RNF10: variants seen among roughly 807,000 people sequenced by gnomAD.
RNF10 encodes the protein E3 ubiquitin-protein ligase RNF10.
RNF10 carries 38 observed loss-of-function variants against 91.4 expected under a neutral mutation model. The observed-to-expected ratio is 0.42, with a 90% CI of 0.32 to 0.54. RNF10 has a LOEUF of 0.54. Ranked by LOEUF, RNF10 falls within the 20% of genes least tolerant of loss-of-function variation. The probability of loss-of-function intolerance (pLI) is 0.16; values close to 1 mark genes in which losing one functional copy is unlikely to be tolerated. For missense variants in RNF10, 945 were observed against 1,012.0 expected, an observed-to-expected ratio of 0.93 and a Z score of 0.90; for synonymous variants, 364 against 366.3, an observed-to-expected ratio of 0.99 and a Z score of 0.07.
rs145695976 is a variant in RNF10 at position 120,575,877 on chromosome 12, A to G, written c.2286A>G (p.Gln762=). The part of the protein sequence containing the change: ...NSDRVPVPSF[Q]NSFSQAIEAA... The stretch of plus-strand genomic sequence containing the variant: ...ACCGTGTTCCTGTGCCCAGTTTTCA[A>G]AATTCCTTCAGCCAAGCTATTGAAG... Residue 762 remains glutamine, a synonymous_variant, in exon 16 of 17, where the codon CAA becomes CAG. Coordinates refer to ENST00000325954, the MANE Select transcript of RNF10 (RefSeq NM_014868.5). 2.7e-5 allele frequency: 44 copies of G among 1,614,200 alleles called. No individual in the cohort carries two copies. Among genetic ancestry groups the G allele is most frequent in the Middle Eastern group, 3.3e-4 (2 of 6,062 alleles).
intron 7 of RNF10, among the ~76,000 whole-genome samples, chr12:120,562,564 A>C (rs934432505): frequency 1.3e-5 from 2 of 151,964 alleles, no homozygotes; most frequent in African/African-American, 4.8e-5. Context: ...ATGAGCCACC[A>C]CACCTGGCCG....
chr12:120,554,039 G>T (rs1034289744), intron 3 of RNF10: 3 of 151,790 alleles, frequency 2.0e-5, no homozygotes, highest in Non-Finnish European at 4.4e-5. Flanking sequence ...TAAGTAGCTG[G>T]GACTACAGGC....
At chr12:120,565,911 AT>A (rs766948585) in intron 12 of RNF10, among the ~76,000 whole-genome samples, 3 of 152,208 alleles carry the variant, frequency 2.0e-5, no homozygotes, top group Non-Finnish European at 2.9e-5. Context: ...GGTGGGTCTG[AT>A]AAGATGGAAA....
intron 4 of RNF10, among the ~76,000 whole-genome samples, chr12:120,556,973 A>C (rs1874123979): frequency 6.6e-6 from 1 of 151,978 alleles, no homozygotes; most frequent in Non-Finnish European, 1.5e-5. Context: ...TAACACAGTG[A>C]AACCCCGTCT....
intron 13 of RNF10, chr12:120,570,169 G>A (rs186843561): frequency 0.019 from 2,821 of 146,310 alleles, 89 homozygotes; most frequent in African/African-American, 0.067. Context: ...ACAGGCGTGA[G>A]CCACCACACC....
At position 120,575,649 on chromosome 12, in the gene RNF10, G is replaced by A; in HGVS notation, c.2161G>A (p.Ala721Thr). 6.2e-7 allele frequency: 1 copy of A among 1,614,204 alleles called. No homozygotes were observed. The highest frequency in any genetic ancestry group is 8.5e-7 in the Non-Finnish European group (1 of 1,180,032). ...TTGGCAGATGCTGAGGGTTGGAAAAGCAAAAGCAGATGTGTGGCCCAAAAC... is the reference window on the plus strand; with the variant it reads ...TTGGCAGATGCTGAGGGTTGGAAAAACAAAAGCAGATGTGTGGCCCAAAAC... ...SFAQMLRVGK[A>T]KADVWPKTAP... Residue 721 changes from alanine (A) to threonine (T), a missense_variant, in exon 15 of 17, where the codon GCA becomes ACA. By Grantham distance (58) the Ala-to-Thr change is moderately conservative. Transcript: ENST00000325954.
chr12:120,560,833 G>GAGA lies in RNF10; in HGVS notation c.1078_1080dup (p.Lys360dup), dbSNP rs1317072203. ...AGCACTAGAGCAGCAGCTGGCAGAG[G>GAGA]AGAAGCACACTCCCGAGTCCTGCTT... On this transcript the variant is annotated inframe_insertion, in exon 7 of 17. Coordinates refer to ENST00000325954, the MANE Select transcript of RNF10 (RefSeq NM_014868.5). The GAGA allele has an allele frequency of 2.0e-5, 32 of 1,614,036 alleles. No individual in the cohort carries two copies. The highest frequency in any genetic ancestry group is 2.7e-5 in the Non-Finnish European group (32 of 1,180,040).
intron 6 of RNF10, among the ~76,000 whole-genome samples, chr12:120,558,850 G>C (rs1223052625): frequency 6.6e-6 from 1 of 151,716 alleles, no homozygotes; most frequent in Non-Finnish European, 1.5e-5. Context: ...GATTACAGGC[G>C]TGAGCCACTG....
rs1237960043 is a variant in RNF10, at chr12:120,563,434, C to T, written c.1342C>T (p.Leu448=). 6.2e-7 allele frequency: 1 copy of T among 1,614,020 alleles called. No homozygotes were observed. Among genetic ancestry groups the T allele is most frequent in the African/African-American group, 1.3e-5 (1 of 74,898 alleles). Residue 448 remains leucine, a synonymous_variant, in exon 9 of 17, where the codon CTG becomes TTG. Coordinates refer to ENST00000325954, the MANE Select transcript of RNF10 (RefSeq NM_014868.5). ...DTPSRPLALP[L]VEEEEAVSEP... The stretch of plus-strand genomic sequence containing the variant: ...TCCTTCTAGACCTCTTGCTCTCCCT[C>T]TGGTAGAAGAGGAGGAAGCAGTGTC...
At chr12:120,556,840 T>C (rs1431035606) in intron 4 of RNF10, among the ~76,000 whole-genome samples, 1 of 152,004 alleles carries the variant, frequency 6.6e-6, no homozygotes, top group African/African-American at 2.4e-5. Context: ...TATGGTTTCC[T>C]TGATGCTTTG....
Position 120,560,850 on chromosome 12 carries a change from G to A in RNF10, c.1092G>A (p.Glu364=). The change falls in exon 7 of 17, where the codon GAG becomes GAA. Residue 364 remains glutamate, a synonymous_variant. Coordinates refer to ENST00000325954, the MANE Select transcript of RNF10 (RefSeq NM_014868.5). ...TGGCAGAGGAGAAGCACACTCCCGA[G>A]TCCTGCTTTATTGAGGCAGCTATCC... ...QQLAEEKHTP[E]SCFIEAAIQE... 6.2e-7 allele frequency: 1 copy of A among 1,614,152 alleles called. No individual in the cohort carries two copies. The highest frequency in any genetic ancestry group is 1.3e-5 in the African/African-American group (1 of 75,048).
intron 3 of RNF10, chr12:120,554,122 G>A (rs1377379909): frequency 3.3e-5 from 5 of 152,748 alleles, no homozygotes; most frequent in African/African-American, 9.6e-5. Flanking sequence ...AGCCAGGATG[G>A]TCTTGATCTC....
rs144230392 is a variant in RNF10, at chr12:120,556,880, C to T, written c.646-402C>T. Among the ~76,000 whole-genome samples the T allele has an allele frequency of 6.4e-4, 97 of 152,054 alleles. 1 individual carries two copies. The East Asian group carries it at 0.015, about 24-fold the overall frequency. ...AAGAGCTATCATACAAAGCCAGGCG[C>T]GGTGGCTCACGCCGGTAATTCCAGG... On this transcript the variant is annotated intron_variant, in intron 4 of 16. Transcript: ENST00000325954.
intron 1 of RNF10, among the ~76,000 whole-genome samples, chr12:120,538,190 C>G (rs900042154): frequency 6.6e-6 from 1 of 152,160 alleles, no homozygotes; most frequent in African/African-American, 2.4e-5. Flanking sequence ...GATAGTTTAT[C>G]TTTTGTCAAG....
intron 1 of RNF10, chr12:120,539,318 A>C: frequency 1.1e-6 from 1 of 894,446 alleles, no homozygotes; most frequent in South Asian, 1.4e-5. Context: ...CAGATAACTT[A>C]CTGGCATGTG....
At chr12:120,576,052 C>T (rs894407346) in intron 16 of RNF10, 102 bp downstream of exon 16, 2 of 1,137,952 alleles carry the variant, frequency 1.8e-6, no homozygotes, top group South Asian at 1.3e-5. Context: ...TAGGCTCTTT[C>T]CCTTCTGAAC....
intron 1 of RNF10, among the ~76,000 whole-genome samples, chr12:120,535,216 T>C (rs2137111630): frequency 6.6e-6 from 1 of 152,350 alleles, no homozygotes; most frequent in South Asian, 2.1e-4. Context: ...CCATTTTGCA[T>C]ATGATGAGAA....
rs1877467731 is a variant in RNF10, at chr12:120,576,882, C to G, written c.*216C>G. On this transcript the variant is annotated 3_prime_UTR_variant, in exon 17 of 17. Coordinates refer to ENST00000325954, the MANE Select transcript of RNF10 (RefSeq NM_014868.5). ...TTTACACCAAAATAAAGTATTGACACAAGAGATCTCTTCCTGCCAAGGTTT... is the reference window on the plus strand; with the variant it reads ...TTTACACCAAAATAAAGTATTGACAGAAGAGATCTCTTCCTGCCAAGGTTT... 3.7e-6 allele frequency: 2 copies of G among 537,502 alleles called. No homozygotes were observed. The highest frequency in any genetic ancestry group is 1.9e-5 in the African/African-American group (1 of 51,808). 33.3% of individuals were successfully genotyped at this position (537,502 alleles called of 1,614,324 possible).
intron 2 of RNF10, among the ~76,000 whole-genome samples, chr12:120,548,015 G>A (rs559104678): frequency 2.6e-5 from 4 of 152,292 alleles, no homozygotes; most frequent in South Asian, 2.1e-4. Flanking sequence ...TAGATGTGGG[G>A]TCTGAGCAGA....
Sources: gnomAD v4.1 joint callset for allele counts (sites outside exome capture counted in the v4.1 genomes callset) on GRCh38, gnomAD v4.1.1 for gene constraint, MANE v1.5 for transcripts, NCBI Gene and HGNC (gene_info 2026-07-23, HGNC 2026-07-21) for gene names.